Variants in CCDC32 observed in about 807,000 individuals in gnomAD.
CCDC32 encodes coiled-coil domain-containing protein 32.
In CCDC32, 9 loss-of-function variants were observed where a neutral mutation model predicts 20.1. The observed-to-expected ratio is 0.45, with a 90% CI of 0.27 to 0.78. The LOEUF (loss-of-function observed/expected upper bound fraction) is 0.78, where lower values mean the gene tolerates loss of function less well. Ranked by LOEUF, CCDC32 falls within the 30% of genes least tolerant of loss-of-function variation. The probability of loss-of-function intolerance (pLI) is 0.16; values close to 1 mark genes in which losing one functional copy is unlikely to be tolerated. For missense variants in CCDC32, 204 were observed against 215.5 expected (o/e 0.95, Z 0.33); for synonymous variants, 63 against 79.0 (o/e 0.80, Z 1.07).
downstream of CCDC32, chr15:40,537,312 T>C (rs528118975): frequency 6.5e-6 from 1 of 152,838 alleles, no homozygotes; most frequent in East Asian, 1.9e-4. Context: ...GGAAGGCAGC[T>C]GGAGGGAAGG....
intron 2 of CCDC32, among the ~76,000 whole-genome samples, chr15:40,561,107 A>G (rs939546497): frequency 6.6e-6 from 1 of 152,218 alleles, no homozygotes; most frequent in African/African-American, 2.4e-5. Context: ...GAAGTAACTC[A>G]GGAATGGAAA....
At chr15:40,552,034 A>T (rs996046825), downstream of CCDC32, among the ~76,000 whole-genome samples, 4 of 151,984 alleles carry the variant, frequency 2.6e-5, no homozygotes, top group East Asian at 7.7e-4. Context: ...GCACATGCCT[A>T]TAGTCCCAGC....
At chr15:40,564,674 C>A in intron 1 of CCDC32, 1 of 1,571,452 alleles carries the variant, frequency 6.4e-7, no homozygotes, top group Admixed American at 1.7e-5. Flanking sequence ...ACAGCTATGA[C>A]ACGGCGGTCC....
At chr15:40,557,469 C>A in intron 2 of CCDC32, 97 bp from the exon 3 acceptor site, 1 of 1,319,110 alleles carries the variant, frequency 7.6e-7, no homozygotes. Context: ...AATCTCTCAC[C>A]GATGAGGACA....
At chr15:40,555,288 ATTGTT>A (rs1390063256) in intron 3 of CCDC32, among the ~76,000 whole-genome samples, 1 of 152,240 alleles carries the variant, frequency 6.6e-6, no homozygotes, top group Non-Finnish European at 1.5e-5. Flanking sequence ...TTTTCATCAA[ATTGTT>A]CAAATTATTT....
chr15:40,543,847 G>T (rs950601421), intron 3 of CCDC32, among the ~76,000 whole-genome samples: 2 of 152,122 alleles, frequency 1.3e-5, no homozygotes, highest in Non-Finnish European at 2.9e-5. Flanking sequence ...TTGCAATGTG[G>T]TGCCCAGACG....
chr15:40,553,939 TG>T lies in CCDC32; in HGVS notation c.*31del. The stretch of plus-strand genomic sequence containing the variant: ...GTGTGTGTGTGTGTGTGTGTGTGTG[TG>T]TGTGTGTGTGTGTGTGTGTGTGTGT... On this transcript the variant is annotated 3_prime_UTR_variant, in exon 4 of 4. Coordinates refer to ENST00000416810, the MANE Select transcript of CCDC32 (RefSeq NM_001080792.4). The T allele has an allele frequency of 1.9e-6, 1 of 537,242 alleles. No homozygotes were observed. The allele number at this position is 537,242 out of a possible 1,614,324, so 33.3% of individuals were successfully genotyped here.
chr15:40,524,378 G>A (rs190106254), downstream of CCDC32, among the ~76,000 whole-genome samples: 29 of 151,876 alleles, frequency 1.9e-4, no homozygotes, highest in South Asian at 4.2e-4. Flanking sequence ...GGATGATCTC[G>A]ATCTCCTGAC....
intron 3 of CCDC32, among the ~76,000 whole-genome samples, chr15:40,542,854 G>GAAA (rs879726712): frequency 8.6e-6 from 1 of 116,638 alleles, no homozygotes; most frequent in Non-Finnish European, 1.9e-5. Context: ...TGTCTCAAAA[G>GAAA]AAAAAAAAAA....
downstream of CCDC32, chr15:40,537,046 C>T (rs1466041192): frequency 3.3e-5 from 5 of 152,344 alleles, no homozygotes; most frequent in East Asian, 1.9e-4. Flanking sequence ...CGTGGTGGGC[C>T]TGGCCCAGAG....
At chr15:40,554,177 A>G (rs1171869509) in intron 3 of CCDC32, 50 bp from the exon 4 acceptor site, 9 of 1,565,696 alleles carry the variant, frequency 5.7e-6, no homozygotes, top group Non-Finnish European at 7.8e-6. Context: ...TCACTGATTA[A>G]TTACTTAATG....
In CCDC32 at chr15:40,557,303, G is replaced by A; in HGVS notation, c.314C>T (p.Ala105Val). ...VTSKDMLRTL[A>V]QAKKECWDRF... ...ATCCCAGCATTCCTTCTTGGCTTGG[G>A]CCAGAGTTCGAAGCATGTCCTTGGA... Residue 105 changes from alanine to valine, a missense_variant, in exon 3 of 4, where the codon GCC (alanine) becomes GTC (valine). Ala to Val is a moderately conservative substitution (Grantham distance 64, BLOSUM62 0). Transcript: ENST00000416810. 2 of 1,614,138 alleles carry A rather than the reference G, an allele frequency of 1.2e-6. No individual in the cohort carries two copies. Among genetic ancestry groups the A allele is most frequent in the Non-Finnish European group, 1.7e-6 (2 of 1,180,014 alleles).
chr15:40,541,992 G>C (rs972297031), intron 3 of CCDC32, among the ~76,000 whole-genome samples: 12 of 152,152 alleles, frequency 7.9e-5, no homozygotes. Context: ...CAAATGCTGG[G>C]GAGACCAGGG....
chr15:40,549,124 C>T (rs1178418021), downstream of CCDC32, among the ~76,000 whole-genome samples: 2 of 152,192 alleles, frequency 1.3e-5, no homozygotes, highest in Non-Finnish European at 2.9e-5. Flanking sequence ...AAACCCATGG[C>T]AGCCATAACC....
chr15:40,527,001 A>G (rs1894907617), downstream of CCDC32, among the ~76,000 whole-genome samples: 1 of 152,172 alleles, frequency 6.6e-6, no homozygotes, highest in Non-Finnish European at 1.5e-5. Context: ...CCGATACAGG[A>G]GTACAGTTAT....
At chr15:40,562,160 TTTGAG>T (rs1890686709) in intron 2 of CCDC32, 1 of 151,428 alleles carries the variant, frequency 6.6e-6, no homozygotes, top group African/African-American at 2.4e-5. Flanking sequence ...GTTTAACACT[TTTGAG>T]TTATTTGAAT....
At chr15:40,547,030 C>T (rs1325885186) in intron 3 of CCDC32, among the ~76,000 whole-genome samples, 1 of 151,980 alleles carries the variant, frequency 6.6e-6, no homozygotes, top group African/African-American at 2.4e-5. Context: ...TAACTGAATG[C>T]CCATGGTGTA....
chr15:40,522,357 G>A, the CCDC32 span, among the ~76,000 whole-genome samples: 128 of 152,172 alleles, frequency 8.4e-4, no homozygotes, highest in Non-Finnish European at 1.4e-3. Context: ...TGATTACCAC[G>A]GTTTTATAGG....
chr15:40,543,203 A>G (rs1279560591), intron 3 of CCDC32, among the ~76,000 whole-genome samples: 2 of 152,154 alleles, frequency 1.3e-5, no homozygotes, highest in African/African-American at 4.8e-5. Flanking sequence ...TGTAGCATAA[A>G]TAACCCCTCA....
Sources: allele counts gnomAD v4.1 joint callset (sites outside exome capture counted in the v4.1 genomes callset), GRCh38; gene constraint gnomAD v4.1.1; transcripts MANE v1.5; gene names NCBI Gene and HGNC (gene_info 2026-07-23, HGNC 2026-07-21).